YWHAG: variants seen among roughly 807,000 people sequenced by gnomAD.
YWHAG encodes the protein 14-3-3 protein gamma.
A neutral mutation model predicts 23.3 loss-of-function variants in YWHAG; 1 was observed. That is an observed-to-expected ratio of 0.04 (90% CI 0.02 to 0.20). The LOEUF is 0.20. YWHAG is among the 10% of genes least tolerant of loss of function. The pLI is 1.00. For missense variants in YWHAG, 151 were observed against 338.6 expected (o/e 0.45, Z 4.35); for synonymous variants, 160 against 144.0 (o/e 1.11, Z -0.80).
At chr7:76,340,415 T>A (rs1258035303) in intron 1 of YWHAG, among the ~76,000 whole-genome samples, 2 of 152,246 alleles carry the variant, frequency 1.3e-5, no homozygotes, top group Non-Finnish European at 2.9e-5. Context: ...TTCCAGTGGT[T>A]TCATTCTTAA....
At chr7:76,343,159 T>C (rs999935592) in intron 1 of YWHAG, among the ~76,000 whole-genome samples, 1 of 152,010 alleles carries the variant, frequency 6.6e-6, no homozygotes, top group East Asian at 1.9e-4. Flanking sequence ...TAGGTTGTTA[T>C]GTGTAAAAGC....
chr7:76,351,359 C>T (rs1803869978), intron 1 of YWHAG, among the ~76,000 whole-genome samples: 1 of 148,822 alleles, frequency 6.7e-6, no homozygotes, highest in Non-Finnish European at 1.5e-5. Flanking sequence ...TTCTCCTCTC[C>T]TGTTCATTCT....
rs1803461076 is a variant in YWHAG at position 76,327,433 on chromosome 7, AAAAG to A, written c.*2140_*2143del. On this transcript the variant is annotated 3_prime_UTR_variant, in exon 2 of 2. Transcript: ENST00000307630. ...CAAGTGCATTTCTTTAAAAATAAAG[AAAAG>A]AAAAACCATTCAAGCTGCTTAAATA... 1 of 152,534 alleles carries A rather than the reference AAAAG, an allele frequency of 6.6e-6. No individual in the cohort carries two copies. The highest frequency in any genetic ancestry group is 1.5e-5 in the Non-Finnish European group (1 of 68,012). The allele number at this position is 152,534 out of a possible 1,614,324, so 9.4% of individuals were successfully genotyped here.
chr7:76,358,706 G>A lies in YWHAG; in HGVS notation c.87+16C>T, dbSNP rs1214853499. On this transcript the variant is annotated intron_variant, in intron 1 of 1. Coordinates refer to ENST00000307630, the MANE Select transcript of YWHAG (RefSeq NM_012479.4). ...GGAGGGGCAGGGAGCGGCGGGGGAG[G>A]GGAGGAGACACTCACGTTCTTCATG... 7.7e-6 allele frequency: 12 copies of A among 1,567,442 alleles called. No homozygotes were observed. The highest frequency in any genetic ancestry group is 2.8e-5 in the African/African-American group (2 of 72,002).
intron 1 of YWHAG, among the ~76,000 whole-genome samples, chr7:76,335,171 C>T (rs1420174929): frequency 6.6e-6 from 1 of 152,174 alleles, no homozygotes; most frequent in African/African-American, 2.4e-5. Flanking sequence ...GATTCTCCTG[C>T]CTCAGCCTCC....
Position 76,329,261 on chromosome 7 carries a change from T to C in YWHAG, c.*316A>G. The C allele has an allele frequency of 3.6e-6, 1 of 278,154 alleles. No individual in the cohort carries two copies. 17.2% of individuals were successfully genotyped at this position (278,154 alleles called of 1,614,324 possible). ...AATGAGGGCCATTCCTCTTTAAGTT[T>C]TCTTTTCATCTGAAAACCCTATTAT... On this transcript the variant is annotated 3_prime_UTR_variant, in exon 2 of 2. Transcript: ENST00000307630. This position sits in a 1 kb window ranked among gnomAD's most constrained non-coding sequence, Gnocchi z 6.1.
In YWHAG at chr7:76,358,928, G is replaced by A; in HGVS notation, c.-120C>T. ...ACCGACCCACAGAGCGAGCAGCTGA[G>A]GCGGCGGCTGCGCGGAGGAGGCGGC... On this transcript the variant is annotated 5_prime_UTR_variant, in exon 1 of 2. Coordinates refer to ENST00000307630, the MANE Select transcript of YWHAG (RefSeq NM_012479.4). The A allele has an allele frequency of 1.1e-6, 1 of 941,110 alleles. No individual in the cohort carries two copies. Among genetic ancestry groups the A allele is most frequent in the Non-Finnish European group, 1.5e-6 (1 of 687,022 alleles). 58.3% of individuals were successfully genotyped at this position (941,110 alleles called of 1,614,324 possible). A position where few individuals can be genotyped will look rare whatever the true frequency, so the allele number is the denominator to read the frequency against.
intron 1 of YWHAG, among the ~76,000 whole-genome samples, chr7:76,352,917 C>G (rs1483889884): frequency 6.6e-6 from 1 of 152,164 alleles, no homozygotes; most frequent in African/African-American, 2.4e-5. Context: ...TCCCAAAGTG[C>G]TGGGATTACA....
intron 1 of YWHAG, among the ~76,000 whole-genome samples, chr7:76,343,435 C>T (rs1390987146): frequency 6.6e-6 from 1 of 152,170 alleles, no homozygotes; most frequent in Non-Finnish European, 1.5e-5. Context: ...CATACTCCAC[C>T]CCTAGAATCT....
intron 1 of YWHAG, among the ~76,000 whole-genome samples, chr7:76,348,999 A>G (rs971755735): frequency 3.9e-5 from 6 of 152,222 alleles, no homozygotes; most frequent in Admixed American, 6.5e-5. Context: ...AGGTGACAGT[A>G]AACGTCAAAC....
At chr7:76,356,473 C>T (rs1043963520) in intron 1 of YWHAG, among the ~76,000 whole-genome samples, 4 of 152,088 alleles carry the variant, frequency 2.6e-5, no homozygotes, top group African/African-American at 4.8e-5. Context: ...GGTTTTGGAA[C>T]GGGTTTTCAT....
Position 76,335,017 on chromosome 7 carries a change from C to T in YWHAG, c.88-4784G>A, listed in dbSNP as rs189930052. On this transcript the variant is annotated intron_variant, in intron 1 of 1. Coordinates refer to ENST00000307630, the MANE Select transcript of YWHAG (RefSeq NM_012479.4). Reference sequence around the variant, plus strand: ...TTCTGCTTAAAAACAAAGTTTCTGCCTTCTCTACTACTACAAGCTCAAGTT... The same window carrying T: ...TTCTGCTTAAAAACAAAGTTTCTGCTTTCTCTACTACTACAAGCTCAAGTT... Among the ~76,000 whole-genome samples, 3 of 152,250 alleles carry T rather than the reference C, an allele frequency of 2.0e-5. No homozygotes were observed. In the East Asian group the frequency reaches 5.8e-4, roughly 29 times the overall value.
intron 1 of YWHAG, among the ~76,000 whole-genome samples, chr7:76,334,380 T>C (rs1439314220): frequency 6.6e-6 from 1 of 152,188 alleles, no homozygotes; most frequent in Non-Finnish European, 1.5e-5. Flanking sequence ...CGGGATCTTG[T>C]ATCATTTGGG....
rs1803501855 is a variant in YWHAG at position 76,329,176 on chromosome 7, A to G, written c.*401T>C. On this transcript the variant is annotated 3_prime_UTR_variant, in exon 2 of 2. Coordinates refer to ENST00000307630, the MANE Select transcript of YWHAG (RefSeq NM_012479.4). The surrounding 1 kb of genome is among the most constrained non-coding windows in gnomAD (Gnocchi z 6.1). ...GAGACAGATGAGATAGAAAGTACCC[A>G]AAACGAGAGACGAGAGCGTATGTAC... 5.4e-6 allele frequency: 1 copy of G among 183,514 alleles called. No homozygotes were observed. The highest frequency in any genetic ancestry group is 1.1e-5 in the Non-Finnish European group (1 of 87,506). 11.4% of individuals were successfully genotyped at this position (183,514 alleles called of 1,614,324 possible). A position where few individuals can be genotyped will look rare whatever the true frequency, so the allele number is the denominator to read the frequency against.
At chr7:76,352,147 C>T (rs1803885334) in intron 1 of YWHAG, among the ~76,000 whole-genome samples, 1 of 152,244 alleles carries the variant, frequency 6.6e-6, no homozygotes, top group Non-Finnish European at 1.5e-5. Context: ...CTGATTTCTA[C>T]ATTCTTAAAG....
At chr7:76,330,568 C>T (rs1397272311) in intron 1 of YWHAG, among the ~76,000 whole-genome samples, 7 of 152,166 alleles carry the variant, frequency 4.6e-5, no homozygotes, top group South Asian at 2.1e-4. Flanking sequence ...TTTAGGAAAA[C>T]GGACTGACAA....
At chr7:76,334,308 T>C (rs150838723) in intron 1 of YWHAG, among the ~76,000 whole-genome samples, 31 of 152,372 alleles carry the variant, frequency 2.0e-4, no homozygotes, top group African/African-American at 5.0e-4. Flanking sequence ...GTTATTCTAA[T>C]AGTGTCTAAA....
At chr7:76,345,481 T>A (rs116217787) in intron 1 of YWHAG, among the ~76,000 whole-genome samples, 10 of 150,666 alleles carry the variant, frequency 6.6e-5, no homozygotes, top group African/African-American at 2.4e-4. Flanking sequence ...CCACCGTACC[T>A]GGCCAAGCCT....
rs942522426 is a variant in YWHAG at position 76,344,645 on chromosome 7, T to C, written c.87+14077A>G. Among the ~76,000 whole-genome samples the C allele has an allele frequency of 4.6e-5, 7 of 152,346 alleles. No individual in the cohort carries two copies. In the East Asian group the frequency reaches 1.4e-3, roughly 29 times the overall value. On this transcript the variant is annotated intron_variant, in intron 1 of 1. Coordinates refer to ENST00000307630, the MANE Select transcript of YWHAG (RefSeq NM_012479.4). Reference sequence around the variant, plus strand: ...ACAATTTCTCCTGGAATCAATGTCATGCTCACTTTAAATGGGGTTATTTAT... The same window carrying C: ...ACAATTTCTCCTGGAATCAATGTCACGCTCACTTTAAATGGGGTTATTTAT...
Sources: allele counts gnomAD v4.1 joint callset (sites outside exome capture counted in the v4.1 genomes callset), GRCh38; gene constraint gnomAD v4.1.1; non-coding constraint Gnocchi (gnomAD v3.1); transcripts MANE v1.5; gene names NCBI Gene and HGNC (gene_info 2026-07-23, HGNC 2026-07-21).